HDAC9: variants seen among roughly 807,000 people sequenced by gnomAD.
The protein encoded by HDAC9 is histone deacetylase 9.
In HDAC9, 41 loss-of-function variants were observed where a neutral mutation model predicts 139.4. The observed-to-expected ratio is 0.29, with a 90% confidence interval of 0.23 to 0.38. The LOEUF (loss-of-function observed/expected upper bound fraction) is 0.38, where lower values mean the gene tolerates loss of function less well. Among genes scored for constraint, HDAC9 ranks in the 10% least tolerant of loss-of-function variants. The pLI, the probability that HDAC9 is intolerant of heterozygous loss-of-function variation, is 1.00. For missense variants in HDAC9, 1,147 were observed against 1,297.0 expected (o/e 0.88, Z 1.78); for synonymous variants, 517 against 476.2 (o/e 1.09, Z -1.12).
At chr7:18,793,774 A>T (rs1175612086) in intron 17 of HDAC9, among the ~76,000 whole-genome samples, 2 of 152,164 alleles carry the variant, frequency 1.3e-5, no homozygotes, top group African/African-American at 4.8e-5. Context: ...TGCCATCCTG[A>T]GATTCTCTTT....
intron 1 of HDAC9, among the ~76,000 whole-genome samples, chr7:18,425,680 G>C (rs1790051611): frequency 6.6e-6 from 1 of 152,178 alleles, no homozygotes; most frequent in African/African-American, 2.4e-5. Flanking sequence ...GTGGATTCTG[G>C]AGAGTTAGCA....
intron 1 of HDAC9, among the ~76,000 whole-genome samples, chr7:18,462,857 A>G (rs944623130): frequency 1.3e-5 from 2 of 151,860 alleles, no homozygotes; most frequent in Admixed American, 6.6e-5. Flanking sequence ...TGTTTTTCCT[A>G]TGCATAGGGA....
intron 2 of HDAC9, among the ~76,000 whole-genome samples, chr7:18,249,632 C>T (rs1437571140): frequency 1.3e-5 from 2 of 151,762 alleles, no homozygotes; most frequent in Non-Finnish European, 2.9e-5. Flanking sequence ...GAGTTTGCTG[C>T]TCCCCACAGG....
chr7:18,186,528 T>G (rs1325030658), intron 2 of HDAC9, among the ~76,000 whole-genome samples: 1 of 152,170 alleles, frequency 6.6e-6, no homozygotes, highest in Non-Finnish European at 1.5e-5. Context: ...TACCAAATCT[T>G]AGGGAAAACT....
intron 2 of HDAC9, among the ~76,000 whole-genome samples, chr7:18,236,142 A>G (rs1238143102): frequency 1.3e-5 from 2 of 152,190 alleles, no homozygotes; most frequent in Non-Finnish European, 2.9e-5. Flanking sequence ...TGTCACCTGG[A>G]AGAGTCTTAT....
intron 6 of HDAC9, among the ~76,000 whole-genome samples, chr7:18,622,657 G>GTTAATAATTAATCATC (rs1360117213): frequency 6.6e-6 from 1 of 151,382 alleles, no homozygotes; most frequent in African/African-American, 2.4e-5. Flanking sequence ...CTCAATCTTG[G>GTTAATAATTAATCATC]TTAATAATTA....
chr7:18,612,256 C>A (rs889991458), intron 6 of HDAC9, among the ~76,000 whole-genome samples: 5 of 152,000 alleles, frequency 3.3e-5, no homozygotes, highest in Non-Finnish European at 7.4e-5. Context: ...TATAAGAAAA[C>A]AATGAATATA....
intron 1 of HDAC9, among the ~76,000 whole-genome samples, chr7:18,422,932 C>T (rs1789778188): frequency 1.3e-5 from 2 of 152,158 alleles, no homozygotes; most frequent in Non-Finnish European, 2.9e-5. Context: ...AACTTTCAAT[C>T]TCATAGTCCA....
At chr7:18,727,519 C>G (rs562940768) in intron 12 of HDAC9, 61 bp from the exon 13 acceptor site, 1 of 1,373,074 alleles carries the variant, frequency 7.3e-7, no homozygotes, top group African/African-American at 1.5e-5. Flanking sequence ...ACATGTCGCT[C>G]AGTGTCTCCC....
rs538473913 is a variant in HDAC9 at position 18,139,380 on chromosome 7, G to A, written c.-96-22849G>A. 2.0e-5 allele frequency among the ~76,000 whole-genome samples: 3 copies of A among 152,170 alleles called. No homozygotes were observed. In the East Asian group the frequency reaches 5.8e-4, roughly 29 times the overall value. On this transcript the variant is annotated intron_variant, in intron 1 of 12. Transcript: ENST00000417496. ...GAGCTCAAGCAGTCCTCCTGTCTTG[G>A]CCTCCCAAAGTGTTGGGACTACAGG...
chr7:18,907,590 C>T (rs969116734), intron 22 of HDAC9, among the ~76,000 whole-genome samples: 11 of 152,220 alleles, frequency 7.2e-5, no homozygotes, highest in African/African-American at 2.7e-4. Flanking sequence ...CACAGGCTTT[C>T]TGGGAAGGGC....
At chr7:18,217,149 A>C (rs1792375890) in intron 2 of HDAC9, among the ~76,000 whole-genome samples, 2 of 152,084 alleles carry the variant, frequency 1.3e-5, no homozygotes, top group Admixed American at 6.6e-5. Context: ...TATATATTCT[A>C]CTCAGCTGGG....
intron 22 of HDAC9, among the ~76,000 whole-genome samples, chr7:18,893,416 A>T (rs1179105055): frequency 6.6e-6 from 1 of 152,206 alleles, no homozygotes; most frequent in Admixed American, 6.6e-5. Context: ...TTCAATTCAC[A>T]GGTATACATC....
At chr7:18,793,172 G>A (rs1021178881) in intron 16 of HDAC9, 173 bp from the exon 17 acceptor site, 10 of 594,562 alleles carry the variant, frequency 1.7e-5, no homozygotes, top group African/African-American at 9.3e-5. Flanking sequence ...TGGCCAAGAC[G>A]GAAGACTAAT....
chr7:18,593,616 C>G (rs1400604883), intron 5 of HDAC9, among the ~76,000 whole-genome samples: 4 of 152,062 alleles, frequency 2.6e-5, no homozygotes, highest in Non-Finnish European at 5.9e-5. Context: ...AGAACATAGG[C>G]AGTAATCTCA....
intron 24 of HDAC9, among the ~76,000 whole-genome samples, chr7:18,974,471 T>C (rs1275928164): frequency 1.3e-5 from 2 of 152,242 alleles, no homozygotes; most frequent in African/African-American, 4.8e-5. Flanking sequence ...GGAAGCATCT[T>C]TGTGTCCTCG....
intron 21 of HDAC9, among the ~76,000 whole-genome samples, chr7:18,844,484 C>G (rs1796784838): frequency 1.3e-5 from 2 of 152,148 alleles, no homozygotes; most frequent in African/African-American, 2.4e-5. Flanking sequence ...GAAAGGCCAT[C>G]AAGAAAATAA....
rs144346472 is a variant in HDAC9, at chr7:18,928,137, G to A, written c.2804-7672G>A. Among the ~76,000 whole-genome samples the A allele has an allele frequency of 1.5e-3, 224 of 152,300 alleles. 1 individual carries two copies. Among genetic ancestry groups the A allele is most frequent in the Middle Eastern group, 0.014 (4 of 294 alleles). ...ACTACAGGGAGGCAGGATAGCAATA[G>A]TAACTAAATTGTAGGTTGGAGAGAA... On this transcript the variant is annotated intron_variant, in intron 22 of 25. Transcript: ENST00000686413.
intron 22 of HDAC9, among the ~76,000 whole-genome samples, chr7:18,877,687 TG>T (rs1799423342): frequency 6.6e-6 from 1 of 152,196 alleles, no homozygotes. Context: ...GGTTTTTGTT[TG>T]TTTTTAAACA....
Sources: gnomAD v4.1 joint callset for allele counts (sites outside exome capture counted in the v4.1 genomes callset) on GRCh38, gnomAD v4.1.1 for gene constraint, MANE v1.5 for transcripts, NCBI Gene and HGNC (gene_info 2026-07-23, HGNC 2026-07-21) for gene names.